Variants in FZD9 observed in about 807,000 individuals in gnomAD.
FZD9 encodes the protein frizzled class receptor 9, also known as frizzled-9.
FZD9 carries 29 observed loss-of-function variants against 29.9 expected under a neutral mutation model. The observed-to-expected ratio is 0.97, with a 90% CI of 0.72 to 1.32. FZD9 has a LOEUF of 1.32. FZD9 is among the 40% of genes most tolerant of loss of function. FZD9 has a pLI of 0.00. For missense variants in FZD9, 822 were observed against 857.8 expected (o/e 0.96, Z 0.52); for synonymous variants, 384 against 393.9 (o/e 0.97, Z 0.30).
At position 73,435,391 on chromosome 7, in the gene FZD9, G is replaced by A. The variant is rs371067074; in HGVS notation, c.1384G>A (p.Val462Ile). The A allele has an allele frequency of 4.6e-5, 75 of 1,613,846 alleles. No homozygotes were observed. Among genetic ancestry groups the A allele is most frequent in the Non-Finnish European group, 3.4e-5 (40 of 1,179,992 alleles). The change falls in exon 1 of 1, where the codon GTC becomes ATC. Residue 462 changes from valine (V) to isoleucine (I), a missense_variant. Physicochemically the swap from Val to Ile is conservative, Grantham distance 29 (BLOSUM62 3). Transcript: ENST00000344575. ...SILYTVPATC[V>I]IVCYVYERLN... ...CCTCTACACGGTGCCCGCCACCTGC[G>A]TCATCGTTTGCTATGTCTACGAACG... is the stretch of plus-strand genomic sequence containing the variant.
Position 73,435,279 on chromosome 7 carries a change from C to G in FZD9, c.1272C>G (p.Leu424=), listed in dbSNP as rs782152078. 27 of 1,613,796 alleles carry G rather than the reference C, an allele frequency of 1.7e-5. No individual in the cohort carries two copies. The highest frequency in any genetic ancestry group is 1.9e-5 in the Non-Finnish European group (23 of 1,179,982). The part of the protein sequence containing the change: ...SSFLLTGFVA[L]FHIRKIMKTG... ...TCCTCCTGACCGGCTTCGTGGCCCT[C>G]TTCCACATCCGCAAGATCATGAAGA... The change falls in exon 1 of 1, where the codon CTC becomes CTG. Residue 424 remains leucine, a synonymous_variant. Transcript: ENST00000344575.
At position 73,434,333 on chromosome 7, in the gene FZD9, C is replaced by T; in HGVS notation, c.326C>T (p.Pro109Leu). Residue 109 changes from proline to leucine, a missense_variant, in exon 1 of 1, where the codon CCC becomes CTC. Coordinates refer to ENST00000344575, the MANE Select transcript of FZD9 (RefSeq NM_003508.3). The part of the protein sequence containing the change: ...MCTDQVSTPI[P>L]ACRPMCEQAR... The stretch of plus-strand genomic sequence containing the variant: ...ACCGACCAGGTCTCGACGCCCATTC[C>T]CGCCTGCCGGCCCATGTGCGAGCAG... 6.3e-7 allele frequency: 1 copy of T among 1,583,548 alleles called. No individual in the cohort carries two copies. Among genetic ancestry groups the T allele is most frequent in the Non-Finnish European group, 8.5e-7 (1 of 1,172,154 alleles).
Position 73,435,569 on chromosome 7 carries a change from G to C in FZD9, c.1562G>C (p.Gly521Ala). The change falls in exon 1 of 1, where the codon GGG (glycine) becomes GCG (alanine). Residue 521 changes from glycine to alanine, a missense_variant. Physicochemically the swap from Gly to Ala is moderately conservative, Grantham distance 60. Transcript: ENST00000344575. The stretch of plus-strand genomic sequence containing the variant: ...AAAATTTTCATGTCACTGGTGGTGG[G>C]GATCACCAGCGGCGTCTGGGTGTGG... ...MLKIFMSLVV[G>A]ITSGVWVWSS... 6.2e-7 allele frequency: 1 copy of C among 1,613,274 alleles called. No individual in the cohort carries two copies. Among genetic ancestry groups the C allele is most frequent in the Non-Finnish European group, 8.5e-7 (1 of 1,179,830 alleles).
At position 73,435,296 on chromosome 7, in the gene FZD9, T is replaced by C. The variant is rs201244210; in HGVS notation, c.1289T>C (p.Ile430Thr). ...GFVALFHIRK[I>T]MKTGGTNTEK... ...GTGGCCCTCTTCCACATCCGCAAGATCATGAAGACGGGCGGCACCAACACA... is the reference window on the plus strand; with the variant it reads ...GTGGCCCTCTTCCACATCCGCAAGACCATGAAGACGGGCGGCACCAACACA... Residue 430 changes from isoleucine (I) to threonine (T), a missense_variant, in exon 1 of 1, where the codon ATC becomes ACC. By Grantham distance (89) the Ile-to-Thr change is moderately conservative. Transcript: ENST00000344575. 1.2e-6 allele frequency: 2 copies of C among 1,613,858 alleles called. No homozygotes were observed. Among genetic ancestry groups the C allele is most frequent in the East Asian group, 4.5e-5 (2 of 44,880 alleles).
At position 73,435,422 on chromosome 7, in the gene FZD9, A is replaced by G. The variant is rs782778291; in HGVS notation, c.1415A>G (p.Asn472Ser). The change falls in exon 1 of 1, where the codon AAC (asparagine) becomes AGC (serine). Residue 472 changes from asparagine to serine, a missense_variant. By Grantham distance (46) the Asn-to-Ser change is conservative. Coordinates refer to ENST00000344575, the MANE Select transcript of FZD9 (RefSeq NM_003508.3). ...VIVCYVYERL[N>S]MDFWRLRATE... ...GTTTGCTATGTCTACGAACGCCTCA[A>G]CATGGACTTCTGGCGCCTTCGGGCC... The G allele has an allele frequency of 1.4e-5, 22 of 1,613,696 alleles. No homozygotes were observed. Among genetic ancestry groups the G allele is most frequent in the Admixed American group, 1.2e-4 (7 of 59,996 alleles).
In FZD9 at chr7:73,434,044, T is replaced by G; in HGVS notation, c.37T>G (p.Trp13Gly). The G allele has an allele frequency of 4.0e-6, 5 of 1,263,416 alleles. No individual in the cohort carries two copies. Among genetic ancestry groups the G allele is most frequent in the Non-Finnish European group, 5.0e-6 (5 of 1,007,962 alleles). The allele number at this position is 1,263,416 out of a possible 1,614,324, so 78.3% of individuals were successfully genotyped here. Reference sequence around the variant, plus strand: ...GCCTCTGCGGGGGGCGCTGCTGCTGTGGCAGCTGCTGGCGGCGGGCGGCGC... The same window carrying G: ...GCCTCTGCGGGGGGCGCTGCTGCTGGGGCAGCTGCTGGCGGCGGGCGGCGC... Reference protein sequence around the residue: ...VAPLRGALLLWQLLAAGGAAL... With the variant: ...VAPLRGALLLGQLLAAGGAAL... The change falls in exon 1 of 1, where the codon TGG becomes GGG. Residue 13 changes from tryptophan (W) to glycine (G), a missense_variant. Physicochemically the swap from Trp to Gly is radical, Grantham distance 184. Coordinates refer to ENST00000344575, the MANE Select transcript of FZD9 (RefSeq NM_003508.3).
In FZD9 at chr7:73,435,553, A is replaced by G. The variant is rs1787403101; in HGVS notation, c.1546A>G (p.Met516Val). The change falls in exon 1 of 1, where the codon ATG (methionine) becomes GTG (valine). Residue 516 changes from methionine (M) to valine (V), a missense_variant. Met to Val is a conservative substitution (Grantham distance 21). Transcript: ENST00000344575. ...TVAVFMLKIF[M>V]SLVVGITSGV... The stretch of plus-strand genomic sequence containing the variant: ...GGCGGTCTTCATGCTCAAAATTTTC[A>G]TGTCACTGGTGGTGGGGATCACCAG... The G allele has an allele frequency of 1.2e-6, 2 of 1,613,106 alleles. No individual in the cohort carries two copies. Among genetic ancestry groups the G allele is most frequent in the Admixed American group, 1.7e-5 (1 of 60,002 alleles).
In FZD9 at chr7:73,434,376, G is replaced by C; in HGVS notation, c.369G>C (p.Ala123=). 1 of 1,583,834 alleles carries C rather than the reference G, an allele frequency of 6.3e-7. No individual in the cohort carries two copies. The highest frequency in any genetic ancestry group is 8.5e-7 in the Non-Finnish European group (1 of 1,172,174). The part of the protein sequence containing the change: ...PMCEQARLRC[A]PIMEQFNFGW... Reference sequence around the variant, plus strand: ...GCGAGCAGGCGCGCCTGCGCTGCGCGCCCATCATGGAGCAGTTCAACTTCG... The same window carrying C: ...GCGAGCAGGCGCGCCTGCGCTGCGCCCCCATCATGGAGCAGTTCAACTTCG... The change falls in exon 1 of 1, where the codon GCG becomes GCC. Residue 123 remains alanine (A), a synonymous_variant. Coordinates refer to ENST00000344575, the MANE Select transcript of FZD9 (RefSeq NM_003508.3).
chr7:73,434,754 T>C lies in FZD9; in HGVS notation c.747T>C (p.Thr249=). The change falls in exon 1 of 1, where the codon ACT becomes ACC. Residue 249 remains threonine (T), a synonymous_variant. Coordinates refer to ENST00000344575, the MANE Select transcript of FZD9 (RefSeq NM_003508.3). ...SALCFFSTAF[T]VLTFLLEPHR... ...TGTGCTTCTTCTCCACCGCCTTCAC[T>C]GTGCTCACCTTCTTGCTGGAGCCCC... is the stretch of plus-strand genomic sequence containing the variant. The C allele has an allele frequency of 6.2e-7, 1 of 1,611,794 alleles. No homozygotes were observed. The highest frequency in any genetic ancestry group is 8.5e-7 in the Non-Finnish European group (1 of 1,179,954).
chr7:73,434,173 C>T lies in FZD9; in HGVS notation c.166C>T (p.Arg56Cys). The change falls in exon 1 of 1, where the codon CGC becomes TGC. Residue 56 changes from arginine to cysteine, a missense_variant. By Grantham distance (180) the Arg-to-Cys change is radical. Coordinates refer to ENST00000344575, the MANE Select transcript of FZD9 (RefSeq NM_003508.3). Reference protein sequence around the residue: ...MCRGIGYNLTRMPNLLGHTSQ... With the variant: ...MCRGIGYNLTCMPNLLGHTSQ... ...CCGCGGCATCGGCTACAACCTGACC[C>T]GCATGCCCAACCTGCTGGGCCACAC... 1.3e-6 allele frequency: 2 copies of T among 1,572,708 alleles called. No homozygotes were observed. The highest frequency in any genetic ancestry group is 1.7e-6 in the Non-Finnish European group (2 of 1,166,526).
At position 73,434,100 on chromosome 7, in the gene FZD9, G is replaced by A. The variant is rs1554563149; in HGVS notation, c.93G>A (p.Glu31=). The change falls in exon 1 of 1, where the codon GAG becomes GAA. Residue 31 remains glutamate, a synonymous_variant. Transcript: ENST00000344575. ...AALEIGRFDP[E]RGRGAAPCQA... ...TGGAGATCGGCCGCTTCGACCCGGA[G>A]CGCGGGCGCGGGGCTGCGCCGTGCC... 1 of 1,407,128 alleles carries A rather than the reference G, an allele frequency of 7.1e-7. No homozygotes were observed. The highest frequency in any genetic ancestry group is 3.0e-5 in the Admixed American group (1 of 33,330). The allele number at this position is 1,407,128 out of a possible 1,614,324, so 87.2% of individuals were successfully genotyped here.
At position 73,434,913 on chromosome 7, in the gene FZD9, C is replaced by T. The variant is rs1554563472; in HGVS notation, c.906C>T (p.Tyr302=). 2.5e-6 allele frequency: 4 copies of T among 1,613,696 alleles called. No homozygotes were observed. Among genetic ancestry groups the T allele is most frequent in the African/African-American group, 2.7e-5 (2 of 74,944 alleles). Residue 302 remains tyrosine (Y), a synonymous_variant, in exon 1 of 1, where the codon TAC becomes TAT. Coordinates refer to ENST00000344575, the MANE Select transcript of FZD9 (RefSeq NM_003508.3). ...GTGACCAGGAGGCGGGCGCGCTCTA[C>T]GTGATCCAGGAGGGCCTGGAGAACA... ...VACDQEAGAL[Y]VIQEGLENTG... is the part of the protein sequence containing the mutation.
chr7:73,435,769 CCCACACACCTCTAG>C lies in FZD9; in HGVS notation c.1770_*7del. 6.3e-7 allele frequency: 1 copy of C among 1,590,474 alleles called. No homozygotes were observed. Among genetic ancestry groups the C allele is most frequent in the Non-Finnish European group, 8.6e-7 (1 of 1,165,054 alleles). On this transcript the variant is annotated frameshift_variant and stop_lost, in exon 1 of 1. Transcript: ENST00000344575. LOFTEE classifies it high-confidence loss of function. ...TAAGACGGACCCCTCTTTGGAGAAC[CCCACACACCTCTAG>C]CCACACAGGCCTGGCGCGGGGTGGC...
Position 73,435,714 on chromosome 7 carries a change from T to C in FZD9, c.1707T>C (p.Tyr569=), listed in dbSNP as rs1554563691. ...ACGGACGTGGCACGCACTGCCACTA[T>C]AAGGCTCCCACCGTGGTCTTGCACA... The part of the protein sequence containing the change: ...GSYGRGTHCH[Y]KAPTVVLHMT... Residue 569 remains tyrosine, a synonymous_variant, in exon 1 of 1, where the codon TAT becomes TAC. Transcript: ENST00000344575. 1 of 1,612,664 alleles carries C rather than the reference T, an allele frequency of 6.2e-7. No homozygotes were observed.
In FZD9 at chr7:73,434,919, C is replaced by G; in HGVS notation, c.912C>G (p.Ile304Met). The change falls in exon 1 of 1, where the codon ATC (isoleucine) becomes ATG (methionine). Residue 304 changes from isoleucine (I) to methionine (M), a missense_variant. Ile to Met is a conservative substitution (Grantham distance 10, BLOSUM62 1). Coordinates refer to ENST00000344575, the MANE Select transcript of FZD9 (RefSeq NM_003508.3). ...AGGAGGCGGGCGCGCTCTACGTGAT[C>G]CAGGAGGGCCTGGAGAACACGGGCT... ...CDQEAGALYV[I>M]QEGLENTGCT... 6.2e-7 allele frequency: 1 copy of G among 1,613,900 alleles called. No individual in the cohort carries two copies. The highest frequency in any genetic ancestry group is 8.5e-7 in the Non-Finnish European group (1 of 1,179,992).
chr7:73,435,756 C>G lies in FZD9; in HGVS notation c.1749C>G (p.Pro583=). 1.3e-6 allele frequency: 2 copies of G among 1,597,044 alleles called. No homozygotes were observed. Among genetic ancestry groups the G allele is most frequent in the Non-Finnish European group, 1.7e-6 (2 of 1,168,736 alleles). ...TVVLHMTKTD[P]SLENPTHL ...TCTTGCACATGACTAAGACGGACCC[C>G]TCTTTGGAGAACCCCACACACCTCT... Residue 583 remains proline, a synonymous_variant, in exon 1 of 1, where the codon CCC becomes CCG. Coordinates refer to ENST00000344575, the MANE Select transcript of FZD9 (RefSeq NM_003508.3).
rs150610032 is a variant in FZD9 at position 73,435,555 on chromosome 7, G to T, written c.1548G>T (p.Met516Ile). ...TVAVFMLKIF[M>I]SLVVGITSGV... ...CGGTCTTCATGCTCAAAATTTTCAT[G>T]TCACTGGTGGTGGGGATCACCAGCG... The change falls in exon 1 of 1, where the codon ATG becomes ATT. Residue 516 changes from methionine (M) to isoleucine (I), a missense_variant. Transcript: ENST00000344575. The T allele has an allele frequency of 4.3e-6, 7 of 1,613,314 alleles. No individual in the cohort carries two copies. In the African/African-American group the frequency reaches 9.3e-5, roughly 22 times the overall value.
In FZD9 at chr7:73,435,487, C is replaced by T. The variant is rs1554563613; in HGVS notation, c.1480C>T (p.Arg494Trp). ...PCAAAAGPGG[R>W]RDCSLPGGSV... ...CGCAGCGGCCGCGGGGCCCGGAGGCCGGAGGGACTGCTCGCTGCCAGGGGG... is the reference window on the plus strand; with the variant it reads ...CGCAGCGGCCGCGGGGCCCGGAGGCTGGAGGGACTGCTCGCTGCCAGGGGG... The change falls in exon 1 of 1, where the codon CGG (arginine) becomes TGG (tryptophan). Residue 494 changes from arginine to tryptophan, a missense_variant. Transcript: ENST00000344575. 5 of 1,612,760 alleles carry T rather than the reference C, an allele frequency of 3.1e-6. No homozygotes were observed. The highest frequency in any genetic ancestry group is 1.6e-4 in the Middle Eastern group (1 of 6,080).
In FZD9 at chr7:73,434,124, C is replaced by T. The variant is rs782432802; in HGVS notation, c.117C>T (p.Cys39=). ...AGCGCGGGCGCGGGGCTGCGCCGTG[C>T]CAGGCGGTGGAGATCCCCATGTGCC... is the stretch of plus-strand genomic sequence containing the variant. The part of the protein sequence containing the change: ...DPERGRGAAP[C]QAVEIPMCRG... Residue 39 remains cysteine (C), a synonymous_variant, in exon 1 of 1, where the codon TGC becomes TGT. Coordinates refer to ENST00000344575, the MANE Select transcript of FZD9 (RefSeq NM_003508.3). 2 of 1,517,896 alleles carry T rather than the reference C, an allele frequency of 1.3e-6. No individual in the cohort carries two copies. Among genetic ancestry groups the T allele is most frequent in the Admixed American group, 2.0e-5 (1 of 49,730 alleles). The allele number at this position is 1,517,896 out of a possible 1,614,324, so 94.0% of individuals were successfully genotyped here. A position where few individuals can be genotyped will look rare whatever the true frequency, so the allele number is the denominator to read the frequency against.
Sources: gnomAD v4.1 joint callset for allele counts on GRCh38, gnomAD v4.1.1 for gene constraint, MANE v1.5 for transcripts, NCBI Gene and HGNC (gene_info 2026-07-23, HGNC 2026-07-21) for gene names.